FSTL4: variants seen among roughly 807,000 people sequenced by gnomAD.
The protein encoded by FSTL4 is follistatin like 4.
FSTL4 carries 28 observed loss-of-function variants against 78.2 expected under a neutral mutation model. The ratio of observed to expected loss-of-function variants is 0.36; its 90% CI spans 0.27 to 0.49. The LOEUF (loss-of-function observed/expected upper bound fraction) is 0.49, where lower values mean the gene tolerates loss of function less well. Among genes scored for constraint, FSTL4 ranks in the 20% least tolerant of loss-of-function variants. The pLI is 0.98. For synonymous variants in FSTL4, 422 were observed against 440.5 expected, an observed-to-expected ratio of 0.96 and a Z score of 0.53; for missense variants, 922 against 1,084.9, an observed-to-expected ratio of 0.85 and a Z score of 2.11.
At chr5:133,816,008 G>GA in the FSTL4 span, among the ~76,000 whole-genome samples, 1 of 152,318 alleles carries the variant, frequency 6.6e-6, no homozygotes, top group East Asian at 1.9e-4. Flanking sequence ...ATACAATACA[G>GA]AGGAAGACAA....
At chr5:133,744,233 T>C in the FSTL4 span, among the ~76,000 whole-genome samples, 1 of 152,200 alleles carries the variant, frequency 6.6e-6, no homozygotes, top group South Asian at 2.1e-4. Flanking sequence ...CTTCCCCTTT[T>C]CTAAGTTGGA....
At chr5:133,224,884 A>G (rs528351135) in intron 10 of FSTL4, among the ~76,000 whole-genome samples, 16 of 151,928 alleles carry the variant, frequency 1.1e-4, no homozygotes, top group Non-Finnish European at 2.2e-4. Flanking sequence ...GGACTCGACT[A>G]TTTGGGTTTC....
the FSTL4 span, among the ~76,000 whole-genome samples, chr5:133,637,056 C>T: frequency 2.6e-4 from 40 of 152,098 alleles, no homozygotes; most frequent in Admixed American, 1.1e-3. Context: ...AAAGGATAGA[C>T]GGCAGCTGGA....
intron 3 of FSTL4, among the ~76,000 whole-genome samples, chr5:133,492,652 C>T (rs1314330522): frequency 1.3e-5 from 2 of 152,038 alleles, no homozygotes; most frequent in Non-Finnish European, 2.9e-5. Flanking sequence ...ATCATTGTAA[C>T]ATAATTTGTA....
chr5:133,733,705 T>C, the FSTL4 span, among the ~76,000 whole-genome samples: 1 of 152,242 alleles, frequency 6.6e-6, no homozygotes. Context: ...CTCCAAATTT[T>C]AGTGCTTAAA....
chr5:133,470,807 T>TAAAATAAAATAAAAAC (rs1334334074), intron 3 of FSTL4, among the ~76,000 whole-genome samples: 190 of 139,600 alleles, frequency 1.4e-3, no homozygotes, highest in Admixed American at 3.4e-3. Context: ...AAAATAAAAA[T>TAAAATAAAATAAAAAC]AAATAAATAA....
chr5:133,677,786 A>G, the FSTL4 span, among the ~76,000 whole-genome samples: 1 of 152,346 alleles, frequency 6.6e-6, no homozygotes, highest in South Asian at 2.1e-4. Context: ...ATTAAATAAG[A>G]TGCTGTGTTT....
At chr5:133,705,304 C>T in the FSTL4 span, among the ~76,000 whole-genome samples, 7 of 152,336 alleles carry the variant, frequency 4.6e-5, no homozygotes, top group Non-Finnish European at 8.8e-5. Context: ...GGTGATCCAC[C>T]TGCCTCGGCC....
intron 4 of FSTL4, among the ~76,000 whole-genome samples, chr5:133,373,271 C>T (rs1234152376): frequency 2.0e-5 from 3 of 152,246 alleles, no homozygotes; most frequent in Non-Finnish European, 2.9e-5. Context: ...CTGCAGCCAA[C>T]AAGAGCTGAC....
chr5:133,704,406 C>T, the FSTL4 span, among the ~76,000 whole-genome samples: 4 of 152,190 alleles, frequency 2.6e-5, no homozygotes, highest in Non-Finnish European at 5.9e-5. Flanking sequence ...CCATGTCTCC[C>T]TACAGGCCAA....
chr5:133,249,817 G>C (rs545113602), intron 6 of FSTL4, among the ~76,000 whole-genome samples: 26 of 152,368 alleles, frequency 1.7e-4, no homozygotes, highest in African/African-American at 5.8e-4. Context: ...AAAACCATAA[G>C]TAATGTGCTG....
chr5:133,254,678 G>A (rs990850254), intron 6 of FSTL4, among the ~76,000 whole-genome samples: 2 of 152,230 alleles, frequency 1.3e-5, no homozygotes, highest in South Asian at 2.1e-4. Flanking sequence ...GGTAAGAATC[G>A]TCAGAACTGA....
At chr5:133,512,965 G>A (rs1300573184) in intron 3 of FSTL4, among the ~76,000 whole-genome samples, 2 of 152,104 alleles carry the variant, frequency 1.3e-5, no homozygotes, top group Admixed American at 1.3e-4. Flanking sequence ...CTACAGGCAT[G>A]AGCTACCATG....
At chr5:133,623,087 G>T in the FSTL4 span, among the ~76,000 whole-genome samples, 1 of 147,444 alleles carries the variant, frequency 6.8e-6, no homozygotes, top group Admixed American at 6.7e-5. Flanking sequence ...TTAGGATGAG[G>T]TCTTTTTTTT....
At chr5:133,437,512 T>G (rs1244513410) in intron 3 of FSTL4, among the ~76,000 whole-genome samples, 2 of 120,582 alleles carry the variant, frequency 1.7e-5, no homozygotes, top group African/African-American at 6.7e-5. Flanking sequence ...TTTTTTGAGA[T>G]AGAGTCTCAC....
the FSTL4 span, among the ~76,000 whole-genome samples, chr5:133,683,319 T>C: frequency 1.5e-3 from 226 of 152,352 alleles, 7 homozygotes; most frequent in East Asian, 0.042. Flanking sequence ...ATAAATAAAA[T>C]TTATCTTCAA....
At chr5:133,829,293 A>T in the FSTL4 span, among the ~76,000 whole-genome samples, 3 of 152,170 alleles carry the variant, frequency 2.0e-5, no homozygotes, top group Admixed American at 6.5e-5. Context: ...GCTACTCAGG[A>T]CTTGCATCGC....
At chr5:133,656,606 C>A in the FSTL4 span, among the ~76,000 whole-genome samples, 2 of 152,108 alleles carry the variant, frequency 1.3e-5, no homozygotes. Context: ...CAGGAGAGAA[C>A]AGGCTTGGTG....
At chr5:133,461,217 A>G (rs1224543879) in intron 3 of FSTL4, among the ~76,000 whole-genome samples, 2 of 152,184 alleles carry the variant, frequency 1.3e-5, no homozygotes, top group East Asian at 1.9e-4. Flanking sequence ...AAAATTGCCA[A>G]TCTAAAGGGA....
Sources: gnomAD v4.1 joint callset for allele counts (sites outside exome capture counted in the v4.1 genomes callset) on GRCh38, gnomAD v4.1.1 for gene constraint, MANE v1.5 for transcripts, NCBI Gene and HGNC (gene_info 2026-07-23, HGNC 2026-07-21) for gene names.